CNTN5: variants seen among roughly 807,000 people sequenced by gnomAD.
The protein encoded by CNTN5 is contactin 5, also known as contactin-5.
Under a neutral mutation model 129.1 loss-of-function variants are expected in CNTN5, and 77 were observed. The observed-to-expected ratio is 0.60, with a 90% CI of 0.50 to 0.72. CNTN5 has a LOEUF of 0.72. CNTN5 is among the 30% of genes least tolerant of loss of function. The pLI is 0.00. For synonymous variants in CNTN5, 509 were observed against 465.6 expected, an observed-to-expected ratio of 1.09 and a Z score of -1.20; for missense variants, 1,478 against 1,328.8, an observed-to-expected ratio of 1.11 and a Z score of -1.75.
intron 7 of CNTN5, among the ~76,000 whole-genome samples, chr11:99,953,467 G>A (rs1310089663): frequency 1.3e-5 from 2 of 152,156 alleles, no homozygotes; most frequent in African/African-American, 2.4e-5. Context: ...ATTCCAATAT[G>A]TAGCTGATCT....
chr11:100,062,913 A>T (rs924540966), intron 10 of CNTN5, among the ~76,000 whole-genome samples: 16 of 152,204 alleles, frequency 1.1e-4, no homozygotes, highest in African/African-American at 3.6e-4. Context: ...GATTAATGTT[A>T]AAATACACGT....
chr11:99,687,456 G>A (rs907773936), intron 3 of CNTN5, among the ~76,000 whole-genome samples: 1 of 152,122 alleles, frequency 6.6e-6, no homozygotes, highest in African/African-American at 2.4e-5. Context: ...TTTCTAGATA[G>A]TTAATTTGCT....
chr11:99,664,177 C>G (rs890810161), intron 3 of CNTN5, among the ~76,000 whole-genome samples: 2 of 152,152 alleles, frequency 1.3e-5, no homozygotes, highest in Non-Finnish European at 2.9e-5. Context: ...GGAAGACATG[C>G]TTTGTACAAA....
chr11:99,063,014 T>C (rs1864950931), intron 1 of CNTN5, among the ~76,000 whole-genome samples: 1 of 152,048 alleles, frequency 6.6e-6, no homozygotes, highest in Non-Finnish European at 1.5e-5. Flanking sequence ...CACGTCAACA[T>C]CACAATGACA....
chr11:99,075,120 A>G (rs894204384), intron 1 of CNTN5, among the ~76,000 whole-genome samples: 2 of 152,216 alleles, frequency 1.3e-5, no homozygotes, highest in African/African-American at 2.4e-5. Flanking sequence ...TTTACAAAAC[A>G]TCTAACAATA....
intron 2 of CNTN5, among the ~76,000 whole-genome samples, chr11:99,523,778 T>C (rs943140231): frequency 6.6e-6 from 1 of 152,042 alleles, no homozygotes; most frequent in South Asian, 2.1e-4. Flanking sequence ...AGCACATATC[T>C]AGGAAGCGTG....
At chr11:100,081,646 T>C (rs1944368319) in intron 13 of CNTN5, among the ~76,000 whole-genome samples, 1 of 152,130 alleles carries the variant, frequency 6.6e-6, no homozygotes, top group Non-Finnish European at 1.5e-5. Context: ...CAACAAATGG[T>C]GATACTGAGG....
chr11:99,732,403 G>C (rs1943564331), intron 3 of CNTN5, among the ~76,000 whole-genome samples: 1 of 151,864 alleles, frequency 6.6e-6, no homozygotes, highest in South Asian at 2.1e-4. Flanking sequence ...TATAATAACT[G>C]AGTACTTGTA....
At chr11:99,351,547 A>ATATTAGT (rs1938299337) in intron 2 of CNTN5, among the ~76,000 whole-genome samples, 1 of 152,216 alleles carries the variant, frequency 6.6e-6, no homozygotes, top group Non-Finnish European at 1.5e-5. Flanking sequence ...ATTATAACAT[A>ATATTAGT]TATAAAATAC....
At chr11:100,318,668 T>C (rs1040043920) in intron 21 of CNTN5, among the ~76,000 whole-genome samples, 4 of 152,210 alleles carry the variant, frequency 2.6e-5, no homozygotes, top group Admixed American at 2.0e-4. Flanking sequence ...AAAAATCTTC[T>C]TCCTCTTGAG....
At chr11:99,809,350 T>TC (rs1205237418) in intron 3 of CNTN5, among the ~76,000 whole-genome samples, 21 of 152,214 alleles carry the variant, frequency 1.4e-4, no homozygotes, top group Admixed American at 1.4e-3. Flanking sequence ...TTATTTTTTT[T>TC]CTCTTAGTTT....
intron 3 of CNTN5, among the ~76,000 whole-genome samples, chr11:99,792,666 A>G (rs1049199933): frequency 1.3e-5 from 2 of 151,700 alleles, no homozygotes; most frequent in Non-Finnish European, 2.9e-5. Context: ...CTACAACTCA[A>G]CCTTTTGGAG....
intron 2 of CNTN5, among the ~76,000 whole-genome samples, chr11:99,406,543 A>G (rs1010223355): frequency 6.6e-6 from 1 of 152,122 alleles, no homozygotes; most frequent in African/African-American, 2.4e-5. Context: ...GCTTGCTGCA[A>G]CTACTCCCTA....
chr11:100,179,973 A>G (rs1307804440), intron 13 of CNTN5, among the ~76,000 whole-genome samples: 1 of 152,064 alleles, frequency 6.6e-6, no homozygotes, highest in African/African-American at 2.4e-5. Context: ...GAATTCTACC[A>G]AACATTTAAG....
At chr11:99,641,099 G>C (rs1214835151) in intron 3 of CNTN5, among the ~76,000 whole-genome samples, 1 of 152,170 alleles carries the variant, frequency 6.6e-6, no homozygotes. Flanking sequence ...ATTGGGAGGG[G>C]GCAAAGTTGG....
chr11:99,380,254 A>C (rs1591599725), intron 2 of CNTN5, among the ~76,000 whole-genome samples: 1 of 152,302 alleles, frequency 6.6e-6, no homozygotes, highest in East Asian at 1.9e-4. Context: ...AGAGAATACT[A>C]CACACTTTAC....
intron 6 of CNTN5, among the ~76,000 whole-genome samples, chr11:99,885,844 A>C (rs1948888286): frequency 6.6e-6 from 1 of 152,188 alleles, no homozygotes; most frequent in African/African-American, 2.4e-5. Flanking sequence ...GAAATTGAAA[A>C]TGTTGCAAAA....
At chr11:99,674,199 T>G (rs1344223465) in intron 3 of CNTN5, among the ~76,000 whole-genome samples, 1 of 152,198 alleles carries the variant, frequency 6.6e-6, no homozygotes. Context: ...TGCATTTCTC[T>G]AATCATCAGT....
At chr11:99,271,957 T>C (rs1270767250) in intron 1 of CNTN5, among the ~76,000 whole-genome samples, 2 of 151,914 alleles carry the variant, frequency 1.3e-5, no homozygotes, top group Non-Finnish European at 2.9e-5. Flanking sequence ...TGCACCACAA[T>C]CAAATGTAGG....
Sources: gnomAD v4.1 joint callset for allele counts (sites outside exome capture counted in the v4.1 genomes callset) on GRCh38, gnomAD v4.1.1 for gene constraint, MANE v1.5 for transcripts, NCBI Gene and HGNC (gene_info 2026-07-23, HGNC 2026-07-21) for gene names.